SLC39A11: variants seen among roughly 807,000 people sequenced by gnomAD.
The protein encoded by SLC39A11 is zinc transporter ZIP11.
SLC39A11 carries 33 observed loss-of-function variants against 36.1 expected under a neutral mutation model. The ratio of observed to expected loss-of-function variants is 0.91; its 90% CI spans 0.69 to 1.22. SLC39A11 has a LOEUF of 1.22. Among genes scored for constraint, SLC39A11 ranks in the 50% most tolerant of loss-of-function variants. SLC39A11 has a pLI of 0.00. For missense variants in SLC39A11, 432 were observed against 430.3 expected, an observed-to-expected ratio of 1.00 and a Z score of -0.03; for synonymous variants, 166 against 170.3, an observed-to-expected ratio of 0.97 and a Z score of 0.20.
At chr17:72,737,570 G>A (rs2074484910) in intron 6 of SLC39A11, among the ~76,000 whole-genome samples, 1 of 152,172 alleles carries the variant, frequency 6.6e-6, no homozygotes, top group Non-Finnish European at 1.5e-5. Context: ...TGCAGACATA[G>A]GTGTCTTTAG....
intron 6 of SLC39A11, among the ~76,000 whole-genome samples, chr17:72,780,300 C>T (rs2076265801): frequency 6.6e-6 from 1 of 152,078 alleles, no homozygotes; most frequent in East Asian, 1.9e-4. Flanking sequence ...GTGTAAACAC[C>T]CTGGCCTCTC....
chr17:72,657,818 A>C (rs1402206691), intron 7 of SLC39A11, among the ~76,000 whole-genome samples: 4 of 152,220 alleles, frequency 2.6e-5, no homozygotes, highest in African/African-American at 4.8e-5. Flanking sequence ...AAAAAGTAAA[A>C]AGCCCTACCT....
At chr17:73,004,591 C>T (rs2090080651) in intron 4 of SLC39A11, among the ~76,000 whole-genome samples, 1 of 152,240 alleles carries the variant, frequency 6.6e-6, no homozygotes, top group Non-Finnish European at 1.5e-5. Context: ...TGGCAATAAC[C>T]TAGGTATCCT....
intron 7 of SLC39A11, among the ~76,000 whole-genome samples, chr17:72,701,095 T>A (rs558063093): frequency 2.6e-5 from 4 of 152,238 alleles, no homozygotes; most frequent in Non-Finnish European, 5.9e-5. Flanking sequence ...TCACCTTCCA[T>A]CACATTCCAT....
intron 7 of SLC39A11, among the ~76,000 whole-genome samples, chr17:72,659,574 C>CTTTTTTTTT (rs34383683): frequency 1.1e-4 from 7 of 61,172 alleles, no homozygotes; most frequent in Non-Finnish European, 1.7e-4. Context: ...CTCTGTGACT[C>CTTTTTTTTT]TTTTTTTTTT....
chr17:72,897,400 T>C (rs1371898545), intron 5 of SLC39A11, among the ~76,000 whole-genome samples: 1 of 152,220 alleles, frequency 6.6e-6, no homozygotes, highest in African/African-American at 2.4e-5. Flanking sequence ...TTGATAGACA[T>C]GTGAAGCTAG....
chr17:72,721,192 G>T (rs2073660184), intron 7 of SLC39A11, among the ~76,000 whole-genome samples: 1 of 151,466 alleles, frequency 6.6e-6, no homozygotes, highest in Admixed American at 6.6e-5. Context: ...TGCCTGCTGG[G>T]TTCAAGCGAT....
intron 3 of SLC39A11, among the ~76,000 whole-genome samples, chr17:73,049,639 G>A (rs1291032034): frequency 1.3e-5 from 2 of 152,202 alleles, no homozygotes; most frequent in African/African-American, 4.8e-5. Flanking sequence ...AGATGATGCT[G>A]AGGGCAGCAT....
chr17:73,050,154 G>A (rs1328458418), intron 3 of SLC39A11, among the ~76,000 whole-genome samples: 1 of 151,920 alleles, frequency 6.6e-6, no homozygotes, highest in Non-Finnish European at 1.5e-5. Context: ...ACATGTCCGG[G>A]GGTGGAGAGT....
chr17:72,656,893 C>T (rs182864008), intron 7 of SLC39A11, among the ~76,000 whole-genome samples: 115 of 151,932 alleles, frequency 7.6e-4, no homozygotes, highest in Admixed American at 2.0e-3. Context: ...CCTGTAATCC[C>T]GGCACTTTGG....
chr17:73,033,635 C>T (rs545827972), intron 3 of SLC39A11, among the ~76,000 whole-genome samples: 1 of 152,324 alleles, frequency 6.6e-6, no homozygotes, highest in South Asian at 2.1e-4. Context: ...TGGCTGTTTA[C>T]TCTTACAGAT....
At chr17:72,750,507 AT>A (rs34117065) in intron 6 of SLC39A11, among the ~76,000 whole-genome samples, 96,064 of 148,944 alleles carry the variant, frequency 0.64, 30,908 homozygotes, top group South Asian at 0.74. Flanking sequence ...GGAGGAAAGG[AT>A]TTTTTTTTTT....
At chr17:73,018,405 A>G (rs2058237622) in intron 4 of SLC39A11, among the ~76,000 whole-genome samples, 1 of 151,900 alleles carries the variant, frequency 6.6e-6, no homozygotes, top group South Asian at 2.1e-4. Context: ...AAAATTATCC[A>G]CACGTGATGG....
At chr17:72,855,334 A>G (rs1428764445) in intron 5 of SLC39A11, among the ~76,000 whole-genome samples, 4 of 152,214 alleles carry the variant, frequency 2.6e-5, no homozygotes, top group African/African-American at 9.7e-5. Context: ...AATGGGCCCA[A>G]TGATGGAATT....
At chr17:72,800,715 G>A (rs1162972965) in intron 6 of SLC39A11, among the ~76,000 whole-genome samples, 4 of 152,156 alleles carry the variant, frequency 2.6e-5, no homozygotes, top group African/African-American at 9.6e-5. Context: ...GAGGTTGTGG[G>A]TAAACTAAGG....
At chr17:72,687,663 G>A (rs11654812) in intron 7 of SLC39A11, among the ~76,000 whole-genome samples, 10,145 of 152,254 alleles carry the variant, frequency 0.067, 468 homozygotes, top group African/African-American at 0.13. Context: ...ATCCTAAGAT[G>A]TGGGGCAAAT....
intron 7 of SLC39A11, among the ~76,000 whole-genome samples, chr17:72,724,703 G>A (rs1453997773): frequency 6.6e-6 from 1 of 152,016 alleles, no homozygotes; most frequent in Non-Finnish European, 1.5e-5. Flanking sequence ...GCTAGATCAG[G>A]GATTTTCTGC....
intron 5 of SLC39A11, among the ~76,000 whole-genome samples, chr17:72,884,002 A>G (rs1317008818): frequency 6.6e-6 from 1 of 152,134 alleles, no homozygotes; most frequent in Non-Finnish European, 1.5e-5. Flanking sequence ...AAAAAATACA[A>G]AAGTTAGCTA....
At chr17:72,668,848 T>C (rs2070870170) in intron 7 of SLC39A11, among the ~76,000 whole-genome samples, 1 of 152,258 alleles carries the variant, frequency 6.6e-6, no homozygotes, top group South Asian at 2.1e-4. Flanking sequence ...CTGCATCCTA[T>C]GGAAGACAGC....
Sources: gnomAD v4.1 joint callset for allele counts (sites outside exome capture counted in the v4.1 genomes callset) on GRCh38, gnomAD v4.1.1 for gene constraint, MANE v1.5 for transcripts, NCBI Gene and HGNC (gene_info 2026-07-23, HGNC 2026-07-21) for gene names.